Variants in LRMDA observed in about 807,000 individuals in gnomAD.
LRMDA encodes the protein leucine rich melanocyte differentiation associated, also known as leucine-rich melanocyte differentiation-associated protein.
Under a neutral mutation model 29.8 loss-of-function variants are expected in LRMDA, and 18 were observed. That is an observed-to-expected ratio of 0.60 (90% CI 0.42 to 0.90). LRMDA has a LOEUF of 0.90. Ranked by LOEUF, LRMDA falls within the 40% of genes least tolerant of loss-of-function variation. The pLI is 0.00. For synonymous variants in LRMDA, 125 were observed against 109.4 expected, an observed-to-expected ratio of 1.14 and a Z score of -0.89; for missense variants, 273 against 273.9, an observed-to-expected ratio of 1.00 and a Z score of 0.02.
At chr10:75,528,311 G>GT (rs1392804780) in intron 2 of LRMDA, among the ~76,000 whole-genome samples, 4 of 152,216 alleles carry the variant, frequency 2.6e-5, no homozygotes, top group Non-Finnish European at 5.9e-5. Flanking sequence ...AAGATTGAAA[G>GT]TTTCTTTTGT....
At chr10:75,605,302 A>G (rs561504332) in intron 2 of LRMDA, among the ~76,000 whole-genome samples, 1 of 152,270 alleles carries the variant, frequency 6.6e-6, no homozygotes, top group South Asian at 2.1e-4. Flanking sequence ...AGCTCAGATG[A>G]TAGGAGCTGT....
At chr10:75,444,161 A>G (rs892185749) in intron 2 of LRMDA, among the ~76,000 whole-genome samples, 4 of 152,100 alleles carry the variant, frequency 2.6e-5, no homozygotes, top group African/African-American at 9.7e-5. Flanking sequence ...TCTTCTCATT[A>G]TACGTCAGAG....
chr10:75,733,537 CT>C (rs539805771), intron 2 of LRMDA, among the ~76,000 whole-genome samples: 1 of 152,100 alleles, frequency 6.6e-6, no homozygotes, highest in Admixed American at 6.5e-5. Context: ...CACAGGTTGA[CT>C]TTTTTTTCCC....
At chr10:76,233,993 T>A (rs1272897617) in intron 5 of LRMDA, among the ~76,000 whole-genome samples, 2 of 152,240 alleles carry the variant, frequency 1.3e-5, no homozygotes, top group African/African-American at 4.8e-5. Flanking sequence ...CTTAGTAACA[T>A]CTAGAATGGT....
chr10:75,818,641 T>G (rs565969901), intron 2 of LRMDA, among the ~76,000 whole-genome samples: 1 of 152,362 alleles, frequency 6.6e-6, no homozygotes, highest in Non-Finnish European at 1.5e-5. Context: ...TTTCAATATT[T>G]GCAGAGACGA....
chr10:75,448,573 T>C (rs1844420915), intron 2 of LRMDA, among the ~76,000 whole-genome samples: 1 of 152,192 alleles, frequency 6.6e-6, no homozygotes, highest in South Asian at 2.1e-4. Context: ...GGGCATTTTA[T>C]TGTCACAGTG....
intron 2 of LRMDA, among the ~76,000 whole-genome samples, chr10:75,504,012 C>A: frequency 9.3e-6 from 1 of 107,960 alleles, no homozygotes; most frequent in African/African-American, 4.0e-5. Context: ...ATTTATTAAT[C>A]CCATTTTTTT....
intron 2 of LRMDA, among the ~76,000 whole-genome samples, chr10:75,538,597 TTTTGTTTGTTTGTTTG>T (rs149300688): frequency 1.7e-4 from 25 of 151,244 alleles, no homozygotes; most frequent in African/African-American, 4.6e-4. Flanking sequence ...CATTGAGTAG[TTTTGTTTGTTTGTTTG>T]TTTGTTTGTT....
Position 75,677,492 on chromosome 10 carries a change from G to C in LRMDA, c.131+238998G>C, listed in dbSNP as rs10824332. The stretch of plus-strand genomic sequence containing the variant: ...TATTTCATTTTTTAAAAAAGCTACA[G>C]TTCACTGAGTCTACAATGCATACTA... On this transcript the variant is annotated intron_variant, in intron 2 of 6. Transcript: ENST00000611255. Among the ~76,000 whole-genome samples the C allele has an allele frequency of 0.021, 3,202 of 152,184 alleles. 161 individuals carry two copies. The East Asian group carries it at 0.22, about 10-fold the overall frequency.
intron 2 of LRMDA, among the ~76,000 whole-genome samples, chr10:75,767,680 CT>C (rs1843187329): frequency 6.6e-6 from 1 of 152,128 alleles, no homozygotes; most frequent in Non-Finnish European, 1.5e-5. Context: ...TTAGAGTCTT[CT>C]GATATATATG....
intron 2 of LRMDA, among the ~76,000 whole-genome samples, chr10:75,850,381 G>A (rs1184215463): frequency 6.6e-6 from 1 of 152,142 alleles, no homozygotes; most frequent in Non-Finnish European, 1.5e-5. Flanking sequence ...GGTGTATGCT[G>A]GAGGTGCCCC....
At chr10:76,181,775 C>A (rs1014315533) in intron 5 of LRMDA, among the ~76,000 whole-genome samples, 4 of 152,170 alleles carry the variant, frequency 2.6e-5, no homozygotes, top group Non-Finnish European at 4.4e-5. Context: ...ACCATCTTGA[C>A]TGAAAACTTA....
At chr10:76,268,160 T>G (rs1840027765) in intron 5 of LRMDA, among the ~76,000 whole-genome samples, 1 of 152,166 alleles carries the variant, frequency 6.6e-6, no homozygotes. Context: ...TATAACCTGG[T>G]GTGAAGGCCA....
At chr10:75,506,547 G>T (rs1451199987) in intron 2 of LRMDA, among the ~76,000 whole-genome samples, 1 of 152,142 alleles carries the variant, frequency 6.6e-6, no homozygotes, top group Non-Finnish European at 1.5e-5. Context: ...GAGCTCATGG[G>T]CCAGTGGCGA....
chr10:76,300,766 A>G (rs890027834), intron 5 of LRMDA, among the ~76,000 whole-genome samples: 1 of 152,198 alleles, frequency 6.6e-6, no homozygotes, highest in African/African-American at 2.4e-5. Context: ...CATGGTGCAA[A>G]GAGCACAGCA....
At chr10:75,493,086 A>C (rs1845005811) in intron 2 of LRMDA, among the ~76,000 whole-genome samples, 1 of 152,152 alleles carries the variant, frequency 6.6e-6, no homozygotes, top group African/African-American at 2.4e-5. Context: ...AAGCTCTTCA[A>C]GCACAACTAA....
intron 5 of LRMDA, among the ~76,000 whole-genome samples, chr10:76,175,656 C>T (rs1181818125): frequency 3.3e-5 from 5 of 152,158 alleles, no homozygotes; most frequent in East Asian, 1.9e-4. Flanking sequence ...TATTTGGCTC[C>T]GTTGAAAGCA....
intron 2 of LRMDA, among the ~76,000 whole-genome samples, chr10:75,598,691 T>C (rs549727736): frequency 8.5e-4 from 130 of 152,314 alleles, no homozygotes; most frequent in Middle Eastern, 3.4e-3. Flanking sequence ...CCTGCGAGGC[T>C]TCATATGTAA....
chr10:75,777,280 T>G lies in LRMDA; in HGVS notation c.132-258728T>G, dbSNP rs182213365. Reference sequence around the variant, plus strand: ...GCTTTCTGGAACCTCCCCCAGCCCCTTCCATTTCCTTTGTCTTCAATCTCC... The same window carrying G: ...GCTTTCTGGAACCTCCCCCAGCCCCGTCCATTTCCTTTGTCTTCAATCTCC... On this transcript the variant is annotated intron_variant, in intron 2 of 6. Coordinates refer to ENST00000611255, the MANE Select transcript of LRMDA (RefSeq NM_001305581.2). Among the ~76,000 whole-genome samples, 761 of 152,290 alleles carry G rather than the reference T, an allele frequency of 5.0e-3. 25 individuals are homozygous for G. The highest frequency in any genetic ancestry group is 1.1e-3 in the Non-Finnish European group (77 of 68,016).
Sources: allele counts gnomAD v4.1 joint callset (sites outside exome capture counted in the v4.1 genomes callset), GRCh38; gene constraint gnomAD v4.1.1; transcripts MANE v1.5; gene names NCBI Gene and HGNC (gene_info 2026-07-23, HGNC 2026-07-21).